GPCPD1: variants seen among roughly 807,000 people sequenced by gnomAD.
GPCPD1 encodes glycerophosphocholine phosphodiesterase GPCPD1.
GPCPD1 carries 29 observed loss-of-function variants against 89.2 expected under a neutral mutation model. The observed-to-expected ratio is 0.33, with a 90% CI of 0.24 to 0.44. GPCPD1 has a LOEUF of 0.44. Ranked by LOEUF, GPCPD1 falls within the 20% of genes least tolerant of loss-of-function variation. The pLI, the probability that GPCPD1 is intolerant of heterozygous loss-of-function variation, is 1.00. For synonymous variants in GPCPD1, 258 were observed against 266.3 expected, an observed-to-expected ratio of 0.97 and a Z score of 0.30; for missense variants, 594 against 808.9, an observed-to-expected ratio of 0.73 and a Z score of 3.22.
At chr20:5,561,650 GTT>G in intron 15 of GPCPD1, 120 bp from the exon 16 acceptor site, 1 of 576,494 alleles carries the variant, frequency 1.7e-6, no homozygotes, top group South Asian at 2.4e-5. Context: ...GCAATAAAAT[GTT>G]TTGTGCATAA....
chr20:5,561,493 A>G lies in GPCPD1; in HGVS notation c.1367T>C (p.Ile456Thr). 1.2e-6 allele frequency: 2 copies of G among 1,600,106 alleles called. No individual in the cohort carries two copies. The highest frequency in any genetic ancestry group is 1.1e-5 in the South Asian group (1 of 90,536). ...TTGCTGGCAGATCCATTTTATTTCA[A>G]TGTTAAACCCTACATCTTCTGGCAA... ...ESLPEDVGFNIEIKWICQQRD... is the reference protein window; with the variant it reads ...ESLPEDVGFNTEIKWICQQRD... The change falls in exon 16 of 20, where the codon ATT (isoleucine) becomes ACT (threonine). Residue 456 changes from isoleucine to threonine, a missense_variant. Coordinates refer to ENST00000379019, the MANE Select transcript of GPCPD1 (RefSeq NM_019593.5).
At chr20:5,579,608 A>C (rs969606016) in intron 7 of GPCPD1, among the ~76,000 whole-genome samples, 1 of 152,184 alleles carries the variant, frequency 6.6e-6, no homozygotes, top group African/African-American at 2.4e-5. Context: ...TCGGCCTCCC[A>C]AAGTGCTGGG....
At chr20:5,574,790 T>C (rs1978285655) in intron 10 of GPCPD1, among the ~76,000 whole-genome samples, 2 of 152,338 alleles carry the variant, frequency 1.3e-5, no homozygotes, top group South Asian at 2.1e-4. Context: ...CCTTAAATAG[T>C]TATTTTTTTA....
intron 7 of GPCPD1, among the ~76,000 whole-genome samples, chr20:5,579,359 AT>A (rs1449086424): frequency 4.6e-5 from 7 of 151,188 alleles, no homozygotes; most frequent in Non-Finnish European, 1.0e-4. Flanking sequence ...CATTATATCA[AT>A]TTTTTCTTTT....
At position 5,574,110 on chromosome 20, in the gene GPCPD1, G is replaced by A. The variant is rs984309335; in HGVS notation, c.1002-141C>T. 1.5e-5 allele frequency: 9 copies of A among 617,760 alleles called. No homozygotes were observed. The African/African-American group carries it at 1.7e-4, about 11-fold the overall frequency. 38.3% of individuals were successfully genotyped at this position (617,760 alleles called of 1,614,324 possible). ...GCCAGTTTTGACATCCCCAAAATAT[G>A]ACTATGGCTGTGACTAGGAATTTAT... is the stretch of plus-strand genomic sequence containing the variant. On this transcript the variant is annotated intron_variant, in intron 10 of 19. Transcript: ENST00000379019.
chr20:5,592,829 T>C (rs567166030), intron 4 of GPCPD1, among the ~76,000 whole-genome samples: 3 of 152,236 alleles, frequency 2.0e-5, no homozygotes, highest in East Asian at 1.9e-4. Flanking sequence ...CCAGAAAAGA[T>C]AGGGGTCTTA....
At chr20:5,575,643 C>CA in intron 9 of GPCPD1, 98 bp from the exon 10 acceptor site, 1 of 915,880 alleles carries the variant, frequency 1.1e-6, no homozygotes, top group Non-Finnish European at 1.7e-6. Flanking sequence ...TCAGCTTTAT[C>CA]AGTTTCTGTC....
At chr20:5,570,758 G>A (rs1436464717) in intron 11 of GPCPD1, among the ~76,000 whole-genome samples, 1 of 152,202 alleles carries the variant, frequency 6.6e-6, no homozygotes, top group Non-Finnish European at 1.5e-5. Context: ...CATAACTGCT[G>A]ATGAACAGAC....
intron 19 of GPCPD1, chr20:5,549,361 T>C (rs1465886368): frequency 2.5e-5 from 30 of 1,185,262 alleles, no homozygotes; most frequent in African/African-American, 4.5e-5. Flanking sequence ...CTGTTACACA[T>C]ATAGAGAGGG....
At chr20:5,604,307 A>G in intron 2 of GPCPD1, 57 bp downstream of exon 2, 1 of 882,140 alleles carries the variant, frequency 1.1e-6, no homozygotes, top group Middle Eastern at 2.2e-4. Flanking sequence ...AAGGTAATCC[A>G]GATAAGAAAC....
chr20:5,604,005 C>T (rs1367727036), intron 2 of GPCPD1, among the ~76,000 whole-genome samples: 1 of 152,192 alleles, frequency 6.6e-6, no homozygotes, highest in African/African-American at 2.4e-5. Flanking sequence ...CCTCAGCCTC[C>T]CAAAGTGCTG....
chr20:5,563,231 G>A (rs754861319), intron 15 of GPCPD1, among the ~76,000 whole-genome samples: 4 of 152,108 alleles, frequency 2.6e-5, no homozygotes, highest in Non-Finnish European at 5.9e-5. Context: ...CACCTGCCTC[G>A]GCCTCCCAAA....
rs542255146 is a variant in GPCPD1 at position 5,576,109 on chromosome 20, T to A, written c.706-131A>T. The A allele has an allele frequency of 6.6e-3, 2,762 of 420,356 alleles. 9 individuals carry two copies. The highest frequency in any genetic ancestry group is 9.0e-3 in the South Asian group (89 of 9,884). The allele number at this position is 420,356 out of a possible 1,614,324, so 26.0% of individuals were successfully genotyped here. On this transcript the variant is annotated intron_variant, in intron 8 of 19. Coordinates refer to ENST00000379019, the MANE Select transcript of GPCPD1 (RefSeq NM_019593.5). The stretch of plus-strand genomic sequence containing the variant: ...ATATATGAAATGTGTATATATATAT[T>A]TTTTTTTTCATAAAAACTTCAGTAT...
chr20:5,565,481 G>A (rs1324165610), intron 14 of GPCPD1, among the ~76,000 whole-genome samples: 1 of 152,064 alleles, frequency 6.6e-6, no homozygotes, highest in East Asian at 1.9e-4. Flanking sequence ...CTCCCAACTT[G>A]GCTTCCAAAA....
intron 12 of GPCPD1, chr20:5,567,988 T>G (rs1986488925): frequency 6.5e-6 from 1 of 152,968 alleles, no homozygotes; most frequent in Admixed American, 6.5e-5. Context: ...TCTAATCTTT[T>G]CGAAGACTTT....
intron 7 of GPCPD1, among the ~76,000 whole-genome samples, chr20:5,579,053 C>CACAT (rs11474523): frequency 0.25 from 37,157 of 151,584 alleles, 4,967 homozygotes; most frequent in East Asian, 0.42. Flanking sequence ...AGGCATGTGT[C>CACAT]ACATGCCTGT....
chr20:5,571,372 C>T (rs531238559), intron 11 of GPCPD1, among the ~76,000 whole-genome samples: 44 of 152,292 alleles, frequency 2.9e-4, no homozygotes, highest in Middle Eastern at 6.8e-3. Context: ...TTTAGACAAC[C>T]ATAATCCTTA....
chr20:5,557,708 C>T (rs1050297862), intron 19 of GPCPD1, among the ~76,000 whole-genome samples: 3 of 152,104 alleles, frequency 2.0e-5, no homozygotes, highest in African/African-American at 4.8e-5. Context: ...CACCCTCACC[C>T]CCAGGGTGAT....
At chr20:5,554,641 C>A (rs960264531) in intron 19 of GPCPD1, among the ~76,000 whole-genome samples, 1 of 152,300 alleles carries the variant, frequency 6.6e-6, no homozygotes, top group South Asian at 2.1e-4. Flanking sequence ...ATTGACAATG[C>A]ACCTGGTCAC....
Sources: gnomAD v4.1 joint callset for allele counts (sites outside exome capture counted in the v4.1 genomes callset) on GRCh38, gnomAD v4.1.1 for gene constraint, MANE v1.5 for transcripts, NCBI Gene and HGNC (gene_info 2026-07-23, HGNC 2026-07-21) for gene names.